The following MYO9A variants were observed in gnomAD, a reference collection of about 807,000 sequenced individuals.
The protein encoded by MYO9A is myosin IXA, also known as unconventional myosin-IXa.
A neutral mutation model predicts 293.3 loss-of-function variants in MYO9A; 103 were observed. The ratio of observed to expected loss-of-function variants is 0.35; its 90% confidence interval spans 0.30 to 0.41. MYO9A has a LOEUF of 0.41. MYO9A is among the 10% of genes least tolerant of loss of function. MYO9A has a pLI of 1.00. For missense variants in MYO9A, 2,685 were observed against 3,033.0 expected (o/e 0.89, Z 2.69); for synonymous variants, 1,001 against 1,035.7 (o/e 0.97, Z 0.64).
At chr15:71,961,732 G>C (rs940731487) in intron 13 of MYO9A, among the ~76,000 whole-genome samples, 3 of 151,976 alleles carry the variant, frequency 2.0e-5, no homozygotes, top group Non-Finnish European at 4.4e-5. Flanking sequence ...TCACCATATA[G>C]ATTTTTTTTT....
At chr15:72,100,733 C>T (rs927752900) in intron 1 of MYO9A, among the ~76,000 whole-genome samples, 4 of 151,226 alleles carry the variant, frequency 2.6e-5, no homozygotes, top group African/African-American at 7.3e-5. Context: ...GCAACCACCC[C>T]GTCTGAGAAG....
chr15:72,032,668 A>AG (rs774473701), intron 2 of MYO9A, 80 bp from the exon 3 acceptor site: 73 of 795,284 alleles, frequency 9.2e-5, no homozygotes, highest in Non-Finnish European at 1.4e-4. Context: ...TCAGCTGCTT[A>AG]GGTCAGCTCA....
chr15:71,914,860 G>A (rs759651354), intron 19 of MYO9A, among the ~76,000 whole-genome samples: 4 of 152,032 alleles, frequency 2.6e-5, no homozygotes, highest in African/African-American at 9.7e-5. Flanking sequence ...AGTTTTTATT[G>A]TACTAGCTAT....
At chr15:71,861,957 C>G (rs2056152422) in intron 33 of MYO9A, among the ~76,000 whole-genome samples, 1 of 152,082 alleles carries the variant, frequency 6.6e-6, no homozygotes, top group Non-Finnish European at 1.5e-5. Context: ...ATGGCAAAAC[C>G]CTGTCTCTAC....
At chr15:72,066,563 T>C (rs1233009767) in intron 1 of MYO9A, among the ~76,000 whole-genome samples, 1 of 151,580 alleles carries the variant, frequency 6.6e-6, no homozygotes, top group East Asian at 1.9e-4. Context: ...TTATATGAAG[T>C]TCACAAACAG....
chr15:71,850,910 A>G (rs969057530), intron 37 of MYO9A, among the ~76,000 whole-genome samples: 1 of 151,852 alleles, frequency 6.6e-6, no homozygotes, highest in African/African-American at 2.4e-5. Context: ...TCTTTGGTCA[A>G]TTCCTGAGAA....
chr15:72,108,887 C>A (rs560434058), intron 1 of MYO9A, among the ~76,000 whole-genome samples: 3 of 151,622 alleles, frequency 2.0e-5, no homozygotes, highest in African/African-American at 7.3e-5. Context: ...CTCAGTCTCC[C>A]GAGTAGCTGG....
intron 1 of MYO9A, among the ~76,000 whole-genome samples, chr15:72,100,154 G>C (rs906173672): frequency 1.3e-5 from 2 of 151,640 alleles, no homozygotes; most frequent in South Asian, 2.1e-4. Context: ...GTGCCGAGGC[G>C]GGCGGATCAC....
chr15:71,934,757 C>T (rs1011549386), intron 17 of MYO9A, among the ~76,000 whole-genome samples: 4 of 148,482 alleles, frequency 2.7e-5, no homozygotes, highest in Admixed American at 2.0e-4. Context: ...TGCACTACCA[C>T]ACCTGGCTAA....
chr15:72,100,921 G>C (rs1327452506), intron 1 of MYO9A, among the ~76,000 whole-genome samples: 1 of 142,604 alleles, frequency 7.0e-6, no homozygotes, highest in South Asian at 2.2e-4. Context: ...AGGGAGGTGG[G>C]GGGGGTCAGC....
At chr15:72,103,232 C>CAGCAGA in intron 1 of MYO9A, among the ~76,000 whole-genome samples, 1 of 149,962 alleles carries the variant, frequency 6.7e-6, no homozygotes, top group Middle Eastern at 3.4e-3. Context: ...GCAGAAGCAG[C>CAGCAGA]AGCAGAAGCA....
Position 71,898,883 on chromosome 15 carries a change from T to C in MYO9A, c.3620A>G (p.Glu1207Gly). ...ACTCTCTATTACAGATTTACATTCCTCTATGGCTTTTATTCTGTTGTCAAA... is the reference window on the plus strand; with the variant it reads ...ACTCTCTATTACAGATTTACATTCCCCTATGGCTTTTATTCTGTTGTCAAA... ...CSFDNRIKAI[E>G]ECKSVIESNR... The change falls in exon 25 of 42, where the codon GAG (glutamate) becomes GGG (glycine). Residue 1207 changes from glutamate to glycine, a missense_variant. Transcript: ENST00000356056. The C allele has an allele frequency of 6.2e-7, 1 of 1,614,168 alleles. No homozygotes were observed. Among genetic ancestry groups the C allele is most frequent in the African/African-American group, 1.3e-5 (1 of 75,044 alleles).
In MYO9A at chr15:72,117,986, T is replaced by C. The variant is rs960958889; in HGVS notation, c.-378A>G. 6 of 399,392 alleles carry C rather than the reference T, an allele frequency of 1.5e-5. No individual in the cohort carries two copies. The highest frequency in any genetic ancestry group is 3.6e-5 in the East Asian group (1 of 28,092). The allele number at this position is 399,392 out of a possible 1,614,324, so 24.7% of individuals were successfully genotyped here. On this transcript the variant is annotated 5_prime_UTR_variant, in exon 1 of 42. Coordinates refer to ENST00000356056, the MANE Select transcript of MYO9A (RefSeq NM_006901.4). Reference sequence around the variant, plus strand: ...CGGCCGCCTCTGCCGGTGCAACTACTGCCTCCGCCGCCGCCTCTCGCAGTC... The same window carrying C: ...CGGCCGCCTCTGCCGGTGCAACTACCGCCTCCGCCGCCGCCTCTCGCAGTC...
chr15:72,087,132 T>C (rs1488076552), intron 1 of MYO9A, among the ~76,000 whole-genome samples: 1 of 152,160 alleles, frequency 6.6e-6, no homozygotes, highest in East Asian at 1.9e-4. Context: ...CCAGGAGCTA[T>C]GATGCAGGTC....
At position 71,899,662 on chromosome 15, in the gene MYO9A, CAATTATTATAGT is replaced by C. The variant is rs774533645; in HGVS notation, c.3470+13_3470+24del. The C allele has an allele frequency of 6.4e-7, 1 of 1,563,218 alleles. No individual in the cohort carries two copies. Among genetic ancestry groups the C allele is most frequent in the East Asian group, 2.3e-5 (1 of 44,420 alleles). ...AAGTACTTGGGAAGAAGAAAAAAAG[CAATTATTATAGT>C]AATAGAGATTACCTTTGTCTTGCTC... On this transcript the variant is annotated intron_variant, in intron 24 of 41. Transcript: ENST00000356056.
intron 32 of MYO9A, among the ~76,000 whole-genome samples, chr15:71,864,234 C>T (rs1202726543): frequency 6.6e-6 from 1 of 152,148 alleles, no homozygotes; most frequent in Non-Finnish European, 1.5e-5. Context: ...AAAAGATGTT[C>T]AACATCATTA....
chr15:71,974,823 T>C (rs748472), intron 12 of MYO9A, among the ~76,000 whole-genome samples: 4,642 of 152,306 alleles, frequency 0.03, 152 homozygotes, highest in Admixed American at 0.086. Flanking sequence ...AGGTACTTGC[T>C]AGACTAGAGT....
chr15:71,848,813 AT>A, intron 39 of MYO9A, 31 bp downstream of exon 39: 1 of 1,576,556 alleles, frequency 6.3e-7, no homozygotes, highest in Non-Finnish European at 8.6e-7. Context: ...GACAACTCCC[AT>A]TTTTCCACTA....
chr15:71,918,845 T>A (rs943347155), intron 18 of MYO9A, among the ~76,000 whole-genome samples: 1 of 152,230 alleles, frequency 6.6e-6, no homozygotes, highest in Non-Finnish European at 1.5e-5. Context: ...AAATCTTTGC[T>A]GTCATGTATA....
Sources: allele counts gnomAD v4.1 joint callset (sites outside exome capture counted in the v4.1 genomes callset), GRCh38; gene constraint gnomAD v4.1.1; transcripts MANE v1.5; gene names NCBI Gene and HGNC (gene_info 2026-07-23, HGNC 2026-07-21).